PCSK2: variants seen among roughly 807,000 people sequenced by gnomAD.
The protein encoded by PCSK2 is proprotein convertase subtilisin/kexin type 2, also known as neuroendocrine convertase 2.
A neutral mutation model predicts 69.7 loss-of-function variants in PCSK2; 14 were observed. That is an observed-to-expected ratio of 0.20 (90% CI 0.13 to 0.31). The LOEUF is 0.31. Ranked by LOEUF, PCSK2 falls within the 10% of genes least tolerant of loss-of-function variation. The pLI is 1.00. For synonymous variants in PCSK2, 307 were observed against 320.7 expected, an observed-to-expected ratio of 0.96 and a Z score of 0.46; for missense variants, 544 against 842.5, an observed-to-expected ratio of 0.65 and a Z score of 4.39.
intron 2 of PCSK2, among the ~76,000 whole-genome samples, chr20:17,322,226 C>T (rs1989891138): frequency 6.6e-6 from 1 of 152,118 alleles, no homozygotes; most frequent in African/African-American, 2.4e-5. Flanking sequence ...CGAAGTTGGT[C>T]TTGCAAGGCA....
chr20:17,303,449 AT>A (rs1225488208), intron 2 of PCSK2, among the ~76,000 whole-genome samples: 6 of 72,388 alleles, frequency 8.3e-5, no homozygotes, highest in South Asian at 6.2e-4. Flanking sequence ...TATAATATAT[AT>A]TATATTAAAT....
intron 3 of PCSK2, among the ~76,000 whole-genome samples, chr20:17,359,449 C>T (rs1362081970): frequency 6.6e-6 from 1 of 152,208 alleles, no homozygotes; most frequent in Non-Finnish European, 1.5e-5. Context: ...CATAATTGCT[C>T]AGAAACGCAG....
intron 2 of PCSK2, among the ~76,000 whole-genome samples, chr20:17,287,646 C>T (rs992834867): frequency 2.6e-5 from 4 of 152,184 alleles, no homozygotes; most frequent in Non-Finnish European, 5.9e-5. Context: ...CTCAATTCTC[C>T]AAGAACCCTG....
intron 8 of PCSK2, among the ~76,000 whole-genome samples, chr20:17,441,178 C>T (rs2032588047): frequency 6.6e-6 from 1 of 152,208 alleles, no homozygotes; most frequent in Admixed American, 6.5e-5. Flanking sequence ...CTGTCAGCCT[C>T]TGCTCCAGCT....
At chr20:17,460,027 C>T (rs545532204) in intron 10 of PCSK2, among the ~76,000 whole-genome samples, 1 of 152,208 alleles carries the variant, frequency 6.6e-6, no homozygotes, top group African/African-American at 2.4e-5. Context: ...AAAGAAAATA[C>T]AGAGATAAGG....
At chr20:17,335,488 C>T (rs1032716625) in intron 2 of PCSK2, among the ~76,000 whole-genome samples, 8 of 115,108 alleles carry the variant, frequency 6.9e-5, no homozygotes, top group Non-Finnish European at 1.3e-4. Flanking sequence ...TATTTGTTTG[C>T]TTGTGGGCTC....
chr20:17,419,449 T>C (rs552155111), intron 6 of PCSK2, among the ~76,000 whole-genome samples: 2 of 152,302 alleles, frequency 1.3e-5, no homozygotes, highest in East Asian at 3.9e-4. Context: ...AACAAAATAA[T>C]AATAATAGTA....
In PCSK2 at chr20:17,330,227, G is replaced by A. The variant is rs114609023; in HGVS notation, c.283-28100G>A. Among the ~76,000 whole-genome samples, 628 of 152,266 alleles carry A rather than the reference G, an allele frequency of 4.1e-3. 9 individuals carry two copies. The highest frequency in any genetic ancestry group is 0.014 in the African/African-American group (572 of 41,552). On this transcript the variant is annotated intron_variant, in intron 2 of 11. Coordinates refer to ENST00000262545, the MANE Select transcript of PCSK2 (RefSeq NM_002594.5). The stretch of plus-strand genomic sequence containing the variant: ...GTACTCAGTAGCCACACAGGGCAGT[G>A]ACTACCTATGGGACAATACAGCTCT...
chr20:17,369,274 C>T lies in PCSK2; in HGVS notation c.540C>T (p.Asn180=). The change falls in exon 5 of 12, where the codon AAC becomes AAT. Residue 180 remains asparagine (N), a synonymous_variant. Transcript: ENST00000262545. ...ATCTCCACCCGGACCTGGCCTCCAACTATGTAAGTACAAGCCAACTTTGGT... is the reference window on the plus strand; with the variant it reads ...ATCTCCACCCGGACCTGGCCTCCAATTATGTAAGTACAAGCCAACTTTGGT... ...IDYLHPDLAS[N]YNAEASYDFS... 1 of 1,613,712 alleles carries T rather than the reference C, an allele frequency of 6.2e-7. No individual in the cohort carries two copies. Among genetic ancestry groups the T allele is most frequent in the South Asian group, 1.1e-5 (1 of 91,070 alleles).
intron 2 of PCSK2, among the ~76,000 whole-genome samples, chr20:17,302,851 T>C (rs1387096191): frequency 6.6e-6 from 1 of 152,192 alleles, no homozygotes; most frequent in Non-Finnish European, 1.5e-5. Flanking sequence ...GTGTTGTTAT[T>C]CTTGTCTCCT....
intron 2 of PCSK2, among the ~76,000 whole-genome samples, chr20:17,334,004 C>T (rs1256468377): frequency 1.4e-5 from 2 of 147,206 alleles, no homozygotes; most frequent in African/African-American, 5.0e-5. Context: ...CTGGCCCATT[C>T]TCTCACTTCA....
intron 1 of PCSK2, among the ~76,000 whole-genome samples, chr20:17,227,761 G>A (rs937537421): frequency 2.6e-5 from 4 of 152,168 alleles, no homozygotes; most frequent in African/African-American, 9.7e-5. Flanking sequence ...GCCATGCTCC[G>A]GGGATGCTGT....
At chr20:17,356,880 A>C (rs763803333) in intron 2 of PCSK2, among the ~76,000 whole-genome samples, 5 of 152,258 alleles carry the variant, frequency 3.3e-5, no homozygotes, top group Non-Finnish European at 5.9e-5. Context: ...AGACACCCAC[A>C]GAGGCACCCC....
chr20:17,279,690 G>A (rs1988229982), intron 2 of PCSK2, among the ~76,000 whole-genome samples: 1 of 151,896 alleles, frequency 6.6e-6, no homozygotes, highest in Non-Finnish European at 1.5e-5. Context: ...CAGAGGCTGA[G>A]GCAGGAGAAT....
chr20:17,320,831 G>T (rs1989842069), intron 2 of PCSK2, among the ~76,000 whole-genome samples: 1 of 152,218 alleles, frequency 6.6e-6, no homozygotes, highest in Non-Finnish European at 1.5e-5. Flanking sequence ...ACAGGAGAAT[G>T]CAGAAGGAAT....
chr20:17,275,757 G>A (rs931376853), intron 2 of PCSK2, among the ~76,000 whole-genome samples: 1 of 152,150 alleles, frequency 6.6e-6, no homozygotes, highest in Non-Finnish European at 1.5e-5. Flanking sequence ...TCTGGAAAAA[G>A]AGGAGGGTGA....
chr20:17,387,517 C>G (rs1193107957), intron 5 of PCSK2, among the ~76,000 whole-genome samples: 1 of 152,196 alleles, frequency 6.6e-6, no homozygotes, highest in Non-Finnish European at 1.5e-5. Flanking sequence ...GCCTCAGTTC[C>G]TCCTTGCACG....
intron 2 of PCSK2, among the ~76,000 whole-genome samples, chr20:17,321,417 C>T (rs1457665231): frequency 6.6e-6 from 1 of 152,220 alleles, no homozygotes; most frequent in African/African-American, 2.4e-5. Context: ...AAATTCAATT[C>T]TACTTAATCA....
intron 10 of PCSK2, among the ~76,000 whole-genome samples, chr20:17,461,486 T>C (rs545274772): frequency 1.6e-4 from 25 of 152,306 alleles, no homozygotes; most frequent in Middle Eastern, 3.4e-3. Context: ...ACAGTTTACA[T>C]TGTCAGATAA....
Sources: gnomAD v4.1 joint callset for allele counts (sites outside exome capture counted in the v4.1 genomes callset) on GRCh38, gnomAD v4.1.1 for gene constraint, MANE v1.5 for transcripts, NCBI Gene and HGNC (gene_info 2026-07-23, HGNC 2026-07-21) for gene names.